The following KCNH1 variants were observed in gnomAD, a reference collection of about 807,000 sequenced individuals.
The protein encoded by KCNH1 is voltage-gated delayed rectifier potassium channel KCNH1.
Under a neutral mutation model 69.2 loss-of-function variants are expected in KCNH1, and 27 were observed. The observed-to-expected ratio is 0.39, with a 90% CI of 0.29 to 0.54. The LOEUF (loss-of-function observed/expected upper bound fraction) is 0.54, where lower values mean the gene tolerates loss of function less well. KCNH1 is among the 20% of genes least tolerant of loss of function. The probability of loss-of-function intolerance (pLI) is 0.68; values close to 1 mark genes in which losing one functional copy is unlikely to be tolerated. For synonymous variants in KCNH1, 456 were observed against 487.7 expected (o/e 0.93, Z 0.86); for missense variants, 798 against 1,261.6 (o/e 0.63, Z 5.57).
At chr1:210,886,622 C>A (rs1686611456) in intron 7 of KCNH1, among the ~76,000 whole-genome samples, 1 of 151,750 alleles carries the variant, frequency 6.6e-6, no homozygotes, top group Non-Finnish European at 1.5e-5. Context: ...CATGTTCTAA[C>A]CCAATGCAAG....
At chr1:210,897,522 C>T (rs1277058412) in intron 7 of KCNH1, among the ~76,000 whole-genome samples, 2 of 152,136 alleles carry the variant, frequency 1.3e-5, no homozygotes. Context: ...GAGGACACCC[C>T]TGCCCTCTGT....
At chr1:210,846,381 G>A (rs895128352) in intron 7 of KCNH1, among the ~76,000 whole-genome samples, 39 of 152,072 alleles carry the variant, frequency 2.6e-4, no homozygotes, top group African/African-American at 9.4e-4. Flanking sequence ...CCAAAACAGA[G>A]ATATAGATCA....
intron 8 of KCNH1, among the ~76,000 whole-genome samples, chr1:210,797,969 G>A (rs886512931): frequency 1.3e-5 from 2 of 151,572 alleles, no homozygotes; most frequent in Non-Finnish European, 2.9e-5. Context: ...ACAGGGGTCT[G>A]AGAATCAGCA....
intron 10 of KCNH1, among the ~76,000 whole-genome samples, chr1:210,690,936 G>T (rs1360305796): frequency 6.6e-6 from 1 of 152,182 alleles, no homozygotes; most frequent in Non-Finnish European, 1.5e-5. Context: ...GGGAGGGTGA[G>T]GGCAGGAGCC....
chr1:210,758,140 T>TG (rs758551546), intron 10 of KCNH1, among the ~76,000 whole-genome samples: 1 of 152,238 alleles, frequency 6.6e-6, no homozygotes, highest in Non-Finnish European at 1.5e-5. Flanking sequence ...GGGCCCTACC[T>TG]GCTCTAGTCA....
At chr1:210,739,976 A>G (rs1048016660) in intron 10 of KCNH1, among the ~76,000 whole-genome samples, 14 of 148,668 alleles carry the variant, frequency 9.4e-5, no homozygotes, top group South Asian at 4.2e-4. Flanking sequence ...CCAGGGGGGG[A>G]AAAAAACACA....
At chr1:210,811,727 CA>C (rs1443814849) in intron 7 of KCNH1, among the ~76,000 whole-genome samples, 1 of 152,118 alleles carries the variant, frequency 6.6e-6, no homozygotes, top group Non-Finnish European at 1.5e-5. Flanking sequence ...TCCAAACCCG[CA>C]AAGTCAAGTG....
At chr1:210,968,122 G>A (rs1403112539) in intron 6 of KCNH1, among the ~76,000 whole-genome samples, 1 of 150,252 alleles carries the variant, frequency 6.7e-6, no homozygotes, top group Non-Finnish European at 1.5e-5. Flanking sequence ...GCGGTGTTTG[G>A]TTTTTTGTTC....
rs150446990 is a variant in KCNH1 at position 210,856,877 on chromosome 1, C to CTATATATATATATA, written c.1463-52725_1463-52712dup. Among the ~76,000 whole-genome samples the CTATATATATATATA allele has an allele frequency of 3.3e-3, 335 of 101,686 alleles. 6 individuals carry two copies. The highest frequency in any genetic ancestry group is 8.7e-3 in the African/African-American group (245 of 28,242). The allele number at this position is 101,686 out of a possible 152,430, so 66.7% of individuals were successfully genotyped here. On this transcript the variant is annotated intron_variant, in intron 7 of 10. Transcript: ENST00000271751. ...TAACCCACTATATATATATAACCCA[C>CTATATATATATATA]TATATATATATATATATATATAAAA...
At chr1:210,999,207 A>G (rs1301181931) in intron 6 of KCNH1, among the ~76,000 whole-genome samples, 1 of 152,212 alleles carries the variant, frequency 6.6e-6, no homozygotes, top group Non-Finnish European at 1.5e-5. Context: ...ACCCTTCAAA[A>G]AATCAATGAA....
intron 6 of KCNH1, among the ~76,000 whole-genome samples, chr1:210,943,210 A>G (rs1159841660): frequency 6.6e-6 from 1 of 152,226 alleles, no homozygotes; most frequent in Non-Finnish European, 1.5e-5. Flanking sequence ...CAAAGTCTCC[A>G]TGGCTATTCC....
intron 7 of KCNH1, among the ~76,000 whole-genome samples, chr1:210,834,427 C>T (rs1374393024): frequency 7.2e-6 from 1 of 138,818 alleles, no homozygotes; most frequent in Non-Finnish European, 1.6e-5. Context: ...AGTAAACTAT[C>T]GCAAGAACAA....
At chr1:210,860,642 G>C (rs1477744363) in intron 7 of KCNH1, 3 of 788,122 alleles carry the variant, frequency 3.8e-6, no homozygotes, top group African/African-American at 1.7e-5. Flanking sequence ...ATAATATGAA[G>C]AAGAGCCTGC....
intron 5 of KCNH1, 52 bp from the exon 6 acceptor site, chr1:211,019,308 G>T: frequency 8.6e-7 from 1 of 1,168,318 alleles, no homozygotes; most frequent in Non-Finnish European, 1.2e-6. Context: ...TTAATTGCAA[G>T]TATCTAACCA....
chr1:211,043,484 A>G (rs916376290), intron 5 of KCNH1, among the ~76,000 whole-genome samples: 2 of 152,142 alleles, frequency 1.3e-5, no homozygotes, highest in Non-Finnish European at 2.9e-5. Context: ...ACAAAAAAAA[A>G]TTCAGGACCA....
rs545067730 is a variant in KCNH1, at chr1:211,040,124, G to A, written c.559-20868C>T. 4.0e-5 allele frequency among the ~76,000 whole-genome samples: 6 copies of A among 150,022 alleles called. No individual in the cohort carries two copies. In the South Asian group the frequency reaches 1.3e-3, roughly 32 times the overall value. ...GAGAATGGCGTGAACCTGGGAGGCA[G>A]AGCTTGCAGTGAGCCAAGATCGTGC... is the stretch of plus-strand genomic sequence containing the variant. On this transcript the variant is annotated intron_variant, in intron 5 of 10. Coordinates refer to ENST00000271751, the MANE Select transcript of KCNH1 (RefSeq NM_172362.3).
intron 10 of KCNH1, among the ~76,000 whole-genome samples, chr1:210,703,719 C>T (rs1307362102): frequency 6.6e-6 from 1 of 152,218 alleles, no homozygotes; most frequent in Non-Finnish European, 1.5e-5. Flanking sequence ...ATTTCTGTGT[C>T]CCTTCCAGGG....
intron 10 of KCNH1, among the ~76,000 whole-genome samples, chr1:210,689,601 C>A (rs1413351190): frequency 6.6e-6 from 1 of 152,148 alleles, no homozygotes; most frequent in African/African-American, 2.4e-5. Context: ...ATGGATGTAT[C>A]AAAAAGGATT....
intron 10 of KCNH1, among the ~76,000 whole-genome samples, chr1:210,749,718 C>T (rs1234068672): frequency 1.3e-5 from 2 of 150,064 alleles, no homozygotes; most frequent in East Asian, 2.0e-4. Flanking sequence ...AGGACCCCTG[C>T]ATGACAGGAG....
Sources: gnomAD v4.1 joint callset for allele counts (sites outside exome capture counted in the v4.1 genomes callset) on GRCh38, gnomAD v4.1.1 for gene constraint, MANE v1.5 for transcripts, NCBI Gene and HGNC (gene_info 2026-07-23, HGNC 2026-07-21) for gene names.